The following ARHGAP44 variants were observed in gnomAD, a reference collection of about 807,000 sequenced individuals.
ARHGAP44 encodes the protein rho GTPase-activating protein 44.
Under a neutral mutation model 106.8 loss-of-function variants are expected in ARHGAP44, and 43 were observed. That is an observed-to-expected ratio of 0.40 (90% CI 0.32 to 0.52). ARHGAP44 has a LOEUF of 0.52. ARHGAP44 is among the 20% of genes least tolerant of loss of function. The pLI, the probability that ARHGAP44 is intolerant of heterozygous loss-of-function variation, is 0.48. For synonymous variants in ARHGAP44, 439 were observed against 410.3 expected (o/e 1.07, Z -0.85); for missense variants, 866 against 1,050.5 (o/e 0.82, Z 2.43).
chr17:12,803,194 A>C (rs980444947), intron 1 of ARHGAP44, among the ~76,000 whole-genome samples: 46 of 150,534 alleles, frequency 3.1e-4, no homozygotes, highest in Non-Finnish European at 8.9e-5. Flanking sequence ...CTGGTCTCGA[A>C]CTCCTGACCT....
intron 7 of ARHGAP44, among the ~76,000 whole-genome samples, chr17:12,932,704 T>G (rs28368284): frequency 1.8e-3 from 280 of 152,012 alleles, no homozygotes; most frequent in African/African-American, 6.4e-3. Flanking sequence ...AGGGGTTTCT[T>G]TCTTTCTTTT....
In ARHGAP44 at chr17:12,966,533, C is replaced by T. The variant is rs527461958; in HGVS notation, c.1524-6769C>T. On this transcript the variant is annotated intron_variant, in intron 16 of 20. Transcript: ENST00000379672. The stretch of plus-strand genomic sequence containing the variant: ...CAGGCCTCACTGGGTGTGTGTAGGC[C>T]AGGCTAAGTCTTAGGAGCTTTGGGT... Among the ~76,000 whole-genome samples, 6 of 152,254 alleles carry T rather than the reference C, an allele frequency of 3.9e-5. No individual in the cohort carries two copies. The East Asian group carries it at 1.2e-3, about 29-fold the overall frequency.
At chr17:12,974,852 A>ATTT (rs34105454) in intron 18 of ARHGAP44, among the ~76,000 whole-genome samples, 4 of 144,990 alleles carry the variant, frequency 2.8e-5, no homozygotes, top group African/African-American at 2.6e-5. Flanking sequence ...GTGTCTCTCA[A>ATTT]TTTTTTTTTT....
chr17:12,841,651 C>CAAAA (rs1266398652), intron 1 of ARHGAP44, among the ~76,000 whole-genome samples: 3,182 of 146,152 alleles, frequency 0.022, 186 homozygotes, highest in African/African-American at 0.08. Context: ...AACAAACAAA[C>CAAAA]AAAAACCACA....
chr17:12,841,912 G>C (rs542371673), intron 1 of ARHGAP44, among the ~76,000 whole-genome samples: 38 of 152,214 alleles, frequency 2.5e-4, no homozygotes, highest in African/African-American at 8.4e-4. Flanking sequence ...ATGCAAACAC[G>C]TTGAAAAAGA....
intron 1 of ARHGAP44, among the ~76,000 whole-genome samples, chr17:12,853,062 G>A (rs191304827): frequency 6.6e-6 from 1 of 152,306 alleles, no homozygotes; most frequent in African/African-American, 2.4e-5. Flanking sequence ...ATCACAAGGT[G>A]AAGTCCCACA....
At chr17:12,927,806 C>T (rs1016380299) in intron 6 of ARHGAP44, among the ~76,000 whole-genome samples, 9 of 152,212 alleles carry the variant, frequency 5.9e-5, no homozygotes, top group Non-Finnish European at 8.8e-5. Context: ...GCTGTTTGTC[C>T]TCCTGATTAC....
At chr17:12,858,909 C>A (rs1330567239) in intron 1 of ARHGAP44, among the ~76,000 whole-genome samples, 1 of 152,074 alleles carries the variant, frequency 6.6e-6, no homozygotes, top group Non-Finnish European at 1.5e-5. Flanking sequence ...GAATGAGAGC[C>A]AAGTGAAAGG....
intron 7 of ARHGAP44, 59 bp from the exon 8 acceptor site, chr17:12,940,997 C>T: frequency 1.4e-6 from 2 of 1,447,046 alleles, no homozygotes; most frequent in Non-Finnish European, 9.7e-7. Flanking sequence ...TTGACTTATG[C>T]ATTAGCCACT....
intron 1 of ARHGAP44, among the ~76,000 whole-genome samples, chr17:12,827,528 A>G (rs534662204): frequency 6.6e-6 from 1 of 152,324 alleles, no homozygotes; most frequent in East Asian, 1.9e-4. Context: ...CCCACATAAT[A>G]ATATAATGAT....
At chr17:12,867,907 A>G (rs528757607) in intron 1 of ARHGAP44, among the ~76,000 whole-genome samples, 34 of 152,324 alleles carry the variant, frequency 2.2e-4, no homozygotes, top group Middle Eastern at 3.4e-3. Context: ...TGGTTAGTGC[A>G]GGCAATGCTT....
intron 1 of ARHGAP44, among the ~76,000 whole-genome samples, chr17:12,823,111 A>G (rs1481243410): frequency 6.6e-6 from 1 of 152,164 alleles, no homozygotes; most frequent in Non-Finnish European, 1.5e-5. Context: ...TTGGGAGGAC[A>G]TGATTGTCCT....
At chr17:12,932,912 A>C (rs1049929268) in intron 7 of ARHGAP44, among the ~76,000 whole-genome samples, 1 of 152,168 alleles carries the variant, frequency 6.6e-6, no homozygotes, top group Non-Finnish European at 1.5e-5. Context: ...ATCTTCAGTA[A>C]GGTAGCCCCC....
chr17:12,841,639 C>CAAAAAAAAAAAAAAAA (rs1331198278), intron 1 of ARHGAP44, among the ~76,000 whole-genome samples: 10 of 137,466 alleles, frequency 7.3e-5, no homozygotes, highest in African/African-American at 2.6e-4. Context: ...CACACACACA[C>CAAAAAAAAAAAAAAAA]AAACAAACAA....
intron 6 of ARHGAP44, among the ~76,000 whole-genome samples, chr17:12,926,489 TATA>T (rs1376317259): frequency 7.0e-6 from 1 of 143,706 alleles, no homozygotes; most frequent in Non-Finnish European, 1.5e-5. Context: ...TATATGTATG[TATA>T]ATATATGTAT....
chr17:12,814,797 T>C (rs1028745933), intron 1 of ARHGAP44, among the ~76,000 whole-genome samples: 1 of 152,140 alleles, frequency 6.6e-6, no homozygotes, highest in African/African-American at 2.4e-5. Context: ...TTCCTTCTTA[T>C]CTCCTGCTCC....
chr17:12,801,156 T>A (rs1183666077), intron 1 of ARHGAP44, among the ~76,000 whole-genome samples: 1 of 152,232 alleles, frequency 6.6e-6, no homozygotes, highest in East Asian at 1.9e-4. Flanking sequence ...ATGTAACACA[T>A]TAACCAAACA....
intron 1 of ARHGAP44, among the ~76,000 whole-genome samples, chr17:12,888,152 C>T (rs2036936354): frequency 6.6e-6 from 1 of 151,894 alleles, no homozygotes. Flanking sequence ...TTCCTGCTTG[C>T]TTTGGACTTT....
intron 1 of ARHGAP44, among the ~76,000 whole-genome samples, chr17:12,859,903 A>T (rs1255014667): frequency 1.3e-5 from 2 of 152,194 alleles, no homozygotes; most frequent in Admixed American, 1.3e-4. Flanking sequence ...CACGTGGCAG[A>T]AGTTCACTGT....
Sources: allele counts gnomAD v4.1 joint callset (sites outside exome capture counted in the v4.1 genomes callset), GRCh38; gene constraint gnomAD v4.1.1; transcripts MANE v1.5; gene names NCBI Gene and HGNC (gene_info 2026-07-23, HGNC 2026-07-21).